The following SEMA4A variants were observed in gnomAD, a reference collection of about 807,000 sequenced individuals.
SEMA4A encodes semaphorin 4A, also known as semaphorin-4A.
A neutral mutation model predicts 72.5 loss-of-function variants in SEMA4A; 52 were observed. That is an observed-to-expected ratio of 0.72 (90% CI 0.57 to 0.90). The LOEUF (loss-of-function observed/expected upper bound fraction) is 0.90, where lower values mean the gene tolerates loss of function less well. Among genes scored for constraint, SEMA4A ranks in the 40% least tolerant of loss-of-function variants. SEMA4A has a pLI of 0.00. For synonymous variants in SEMA4A, 369 were observed against 393.1 expected (o/e 0.94, Z 0.73); for missense variants, 926 against 959.7 (o/e 0.96, Z 0.46).
upstream of SEMA4A, among the ~76,000 whole-genome samples, chr1:156,152,694 C>T (rs1572383638): frequency 6.6e-6 from 1 of 152,254 alleles, no homozygotes; most frequent in East Asian, 1.9e-4. Context: ...AAGGAGTAGC[C>T]TGAGCTGTAA....
chr1:156,160,696 G>C, intron 7 of SEMA4A, 137 bp downstream of exon 7: 2 of 1,038,034 alleles, frequency 1.9e-6, no homozygotes, highest in Non-Finnish European at 2.9e-6. Context: ...AGAAGGCAAA[G>C]CTCCGGTTCT....
rs752938015 is a variant in SEMA4A, at chr1:156,158,781, A to G, written c.525A>G (p.Gln175=). The change falls in exon 6 of 15, where the codon CAA becomes CAG. Residue 175 remains glutamine, a synonymous_variant. Coordinates refer to ENST00000368285, the MANE Select transcript of SEMA4A (RefSeq NM_022367.4). ...ACAAGGTCATGGAGGGAAAAGGCCAAAGCCCCTTTGACCCCGCTCACAAGC... is the reference window on the plus strand; with the variant it reads ...ACAAGGTCATGGAGGGAAAAGGCCAGAGCCCCTTTGACCCCGCTCACAAGC... ...SEDKVMEGKG[Q]SPFDPAHKHT... The G allele has an allele frequency of 6.2e-7, 1 of 1,613,870 alleles. No homozygotes were observed. The highest frequency in any genetic ancestry group is 8.5e-7 in the Non-Finnish European group (1 of 1,179,978).
chr1:156,164,886 G>A (rs942020284), intron 10 of SEMA4A, among the ~76,000 whole-genome samples: 6 of 151,288 alleles, frequency 4.0e-5, no homozygotes, highest in Admixed American at 6.6e-5. Flanking sequence ...CTGCAACCTC[G>A]GCCTCCTGGG....
In SEMA4A at chr1:156,157,411, C is replaced by T. The variant is rs6685797; in HGVS notation, c.301-659C>T. 0.018 allele frequency among the ~76,000 whole-genome samples: 2,761 copies of T among 151,974 alleles called. 84 individuals carry two copies. Among genetic ancestry groups the T allele is most frequent in the African/African-American group, 0.065 (2,676 of 41,416 alleles). On this transcript the variant is annotated intron_variant, in intron 3 of 14. Coordinates refer to ENST00000368285, the MANE Select transcript of SEMA4A (RefSeq NM_022367.4). This position sits in a 1 kb window ranked among gnomAD's most constrained non-coding sequence, Gnocchi z 4.5. ...GTTGGTCAGCCTGGTCTCGAACTCCCGACCTCAGGTGATCCATCCGCCTCA... is the reference window on the plus strand; with the variant it reads ...GTTGGTCAGCCTGGTCTCGAACTCCTGACCTCAGGTGATCCATCCGCCTCA...
chr1:156,158,972 T>G (rs1038440961), intron 6 of SEMA4A, 148 bp downstream of exon 6: 2 of 721,320 alleles, frequency 2.8e-6, no homozygotes, highest in Non-Finnish European at 4.9e-6. Context: ...AAGCTGAAGT[T>G]GAAGGATGCT....
At chr1:156,176,339 A>T in intron 14 of SEMA4A, 66 bp from the exon 15 acceptor site, 1 of 1,206,432 alleles carries the variant, frequency 8.3e-7, no homozygotes, top group Non-Finnish European at 1.2e-6. Context: ...GATAGGTTAG[A>T]GACTCTCTCC....
intron 10 of SEMA4A, among the ~76,000 whole-genome samples, chr1:156,170,173 A>G (rs145842226): frequency 6.6e-6 from 1 of 151,962 alleles, no homozygotes; most frequent in Admixed American, 6.5e-5. Context: ...ATAATAAAAA[A>G]TTAGCTGGGT....
chr1:156,150,942 A>AAAATGAC (rs1652486875), upstream of SEMA4A, among the ~76,000 whole-genome samples: 1 of 152,130 alleles, frequency 6.6e-6, no homozygotes, highest in East Asian at 1.9e-4. Context: ...TGGAGCTGTG[A>AAAATGAC]AAATGACACG....
At position 156,161,394 on chromosome 1, in the gene SEMA4A, C is replaced by T. The variant is rs1244370462; in HGVS notation, c.859C>T (p.Leu287=). ...GCTGCAGAAGAAGTGGACCACCTTC[C>T]TGAAGGCCCAGCTGCTCTGCACCCA... ...KLLQKKWTTF[L]KAQLLCTQPG... The change falls in exon 9 of 15, where the codon CTG becomes TTG. Residue 287 remains leucine, a synonymous_variant. Coordinates refer to ENST00000368285, the MANE Select transcript of SEMA4A (RefSeq NM_022367.4). 6.2e-7 allele frequency: 1 copy of T among 1,613,854 alleles called. No individual in the cohort carries two copies. Among genetic ancestry groups the T allele is most frequent in the Non-Finnish European group, 8.5e-7 (1 of 1,179,902 alleles).
chr1:156,171,764 T>C (rs1445759433), intron 10 of SEMA4A, among the ~76,000 whole-genome samples: 1 of 151,032 alleles, frequency 6.6e-6, no homozygotes. Flanking sequence ...TTTTAATTAA[T>C]TAATTAATTA....
At chr1:156,175,365 C>G in intron 13 of SEMA4A, 122 bp downstream of exon 13, 1 of 1,297,428 alleles carries the variant, frequency 7.7e-7, no homozygotes, top group Non-Finnish European at 1.1e-6. Flanking sequence ...GTCCTCCCAT[C>G]CTGCAGTGGG....
At position 156,158,372 on chromosome 1, in the gene SEMA4A, T is replaced by A; in HGVS notation, c.364-16T>A. ...AGTCAGGTGGCCTGGAGACCTAAAT[T>A]CTCTGTCTCCCTCAGACACAGTGTT... On this transcript the variant is annotated splice_polypyrimidine_tract_variant and intron_variant, in intron 4 of 14. Transcript: ENST00000368285. 1 of 1,606,036 alleles carries A rather than the reference T, an allele frequency of 6.2e-7. No homozygotes were observed. Among genetic ancestry groups the A allele is most frequent in the Non-Finnish European group, 8.5e-7 (1 of 1,172,688 alleles).
chr1:156,170,605 T>G (rs1404171841), intron 10 of SEMA4A, among the ~76,000 whole-genome samples: 1 of 147,044 alleles, frequency 6.8e-6, no homozygotes, highest in Admixed American at 6.8e-5. Flanking sequence ...TAGAAAAAAA[T>G]TAGCCAGGCG....
rs758898526 is a variant in SEMA4A at position 156,154,658 on chromosome 1, C to T, written c.80C>T (p.Pro27Leu). 40 of 1,604,858 alleles carry T rather than the reference C, an allele frequency of 2.5e-5. 1 individual carries two copies. In the South Asian group the frequency reaches 3.5e-4, roughly 14 times the overall value. Residue 27 changes from proline (P) to leucine (L), a missense_variant, in exon 2 of 15, where the codon CCG (proline) becomes CTG (leucine). Pro to Leu is a moderately conservative substitution (Grantham distance 98). Transcript: ENST00000368285. ...FLFQLLQLLL[P>L]TTTAGGGGQG... ...TTCCAACTGCTTCAGCTGCTGCTGCCGACGACGACCGCGGGGGGAGGCGGG... is the reference window on the plus strand; with the variant it reads ...TTCCAACTGCTTCAGCTGCTGCTGCTGACGACGACCGCGGGGGGAGGCGGG...
At chr1:156,161,250 TG>T (rs1653608806) in intron 8 of SEMA4A, 95 bp from the exon 9 acceptor site, 6 of 597,180 alleles carry the variant, frequency 1.0e-5, no homozygotes, top group Admixed American at 5.4e-5. Context: ...TGGCGGGGAC[TG>T]GGGGGACACG....
Position 156,155,761 on chromosome 1 carries a change from G to A in SEMA4A, c.140-653G>A, listed in dbSNP as rs137894164. ...TCTGAGGAGCTCCTTCCTCCTTGCC[G>A]ATGTGCCAGTGGGACAGGAAAATAC... On this transcript the variant is annotated intron_variant, in intron 2 of 14. Transcript: ENST00000368285. 264 of 165,748 alleles carry A rather than the reference G, an allele frequency of 1.6e-3. 2 individuals carry two copies. Among genetic ancestry groups the A allele is most frequent in the Middle Eastern group, 9.4e-3 (3 of 318 alleles). The allele number at this position is 165,748 out of a possible 1,614,324, so 10.3% of individuals were successfully genotyped here.
chr1:156,157,963 C>T lies in SEMA4A; in HGVS notation c.301-107C>T, dbSNP rs933924186. The T allele has an allele frequency of 3.4e-5, 38 of 1,114,340 alleles. No individual in the cohort carries two copies. The African/African-American group carries it at 5.3e-4, about 15-fold the overall frequency. 69.0% of individuals were successfully genotyped at this position (1,114,340 alleles called of 1,614,324 possible). A position where few individuals can be genotyped will look rare whatever the true frequency, so the allele number is the denominator to read the frequency against. ...TGCCCATCAGCATGTCACTAACCACCATGTCTGCTGGTTATTTCACATCAG... is the reference window on the plus strand; with the variant it reads ...TGCCCATCAGCATGTCACTAACCACTATGTCTGCTGGTTATTTCACATCAG... On this transcript the variant is annotated intron_variant, in intron 3 of 14. Coordinates refer to ENST00000368285, the MANE Select transcript of SEMA4A (RefSeq NM_022367.4). This position sits in a 1 kb window ranked among gnomAD's most constrained non-coding sequence, Gnocchi z 4.5.
In SEMA4A at chr1:156,176,419, G is replaced by A. The variant is rs1367625425; in HGVS notation, c.1708G>A (p.Ala570Thr). 2 of 1,613,664 alleles carry A rather than the reference G, an allele frequency of 1.2e-6. No individual in the cohort carries two copies. Among genetic ancestry groups the A allele is most frequent in the Admixed American group, 3.3e-5 (2 of 60,000 alleles). Residue 570 changes from alanine (A) to threonine (T), a missense_variant, in exon 15 of 15, where the codon GCT (alanine) becomes ACT (threonine). Transcript: ENST00000368285. ...SRPQIIKEVLAVPNSILELPC... is the reference protein window; with the variant it reads ...SRPQIIKEVLTVPNSILELPC... ...TTCTCCTACAGTTAAAGAAGTCCTG[G>A]CTGTCCCCAACTCCATCCTGGAGCT...
In SEMA4A at chr1:156,163,084, G is replaced by T; in HGVS notation, c.1124G>T (p.Arg375Leu). ...TATAGGGGCCCTGAGACCAACCCCCGGCCAGGCAGTGTGAGTACTACCCCC... is the reference window on the plus strand; with the variant it reads ...TATAGGGGCCCTGAGACCAACCCCCTGCCAGGCAGTGTGAGTACTACCCCC... ...TTYRGPETNP[R>L]PGSCSVGPSS... Residue 375 changes from arginine to leucine, a missense_variant, in exon 10 of 15, where the codon CGG becomes CTG. Transcript: ENST00000368285. 1 of 1,613,948 alleles carries T rather than the reference G, an allele frequency of 6.2e-7. No individual in the cohort carries two copies. The highest frequency in any genetic ancestry group is 1.1e-5 in the South Asian group (1 of 91,074).
Sources: gnomAD v4.1 joint callset for allele counts (sites outside exome capture counted in the v4.1 genomes callset) on GRCh38, gnomAD v4.1.1 for gene constraint, Gnocchi (gnomAD v3.1) non-coding constraint, MANE v1.5 for transcripts, NCBI Gene and HGNC (gene_info 2026-07-23, HGNC 2026-07-21) for gene names.